Variants in KIAA1671 observed in about 807,000 individuals in gnomAD.
The protein encoded by KIAA1671 is uncharacterized protein KIAA1671.
A neutral mutation model predicts 131.2 loss-of-function variants in KIAA1671; 52 were observed. That is an observed-to-expected ratio of 0.40 (90% CI 0.32 to 0.50). The LOEUF is 0.50. Ranked by LOEUF, KIAA1671 falls within the 20% of genes least tolerant of loss-of-function variation. The pLI is 0.73. For synonymous variants in KIAA1671, 1,003 were observed against 961.6 expected (o/e 1.04, Z -0.80); for missense variants, 2,360 against 2,364.2 (o/e 1.00, Z 0.04).
At chr22:25,151,137 T>C (rs1282247730) in intron 6 of KIAA1671, among the ~76,000 whole-genome samples, 1 of 151,806 alleles carries the variant, frequency 6.6e-6, no homozygotes, top group Non-Finnish European at 1.5e-5. Context: ...CCCGGCCCCT[T>C]TGCTTATTTT....
At chr22:24,955,696 A>C (rs1921655587) in intron 1 of KIAA1671, among the ~76,000 whole-genome samples, 1 of 152,138 alleles carries the variant, frequency 6.6e-6, no homozygotes, top group Non-Finnish European at 1.5e-5. Flanking sequence ...GGGTCATGCC[A>C]GGAGGCTGGG....
intron 4 of KIAA1671, among the ~76,000 whole-genome samples, chr22:25,037,058 T>C (rs1926641256): frequency 6.6e-6 from 1 of 152,298 alleles, no homozygotes; most frequent in African/African-American, 2.4e-5. Flanking sequence ...TGCGGTGGCT[T>C]GTGTTTGTAA....
At chr22:25,004,861 G>T (rs1050150703) in intron 1 of KIAA1671, among the ~76,000 whole-genome samples, 1 of 151,634 alleles carries the variant, frequency 6.6e-6, no homozygotes, top group Non-Finnish European at 1.5e-5. Flanking sequence ...CAGGAGAATG[G>T]CGTAAACCCA....
intron 6 of KIAA1671, among the ~76,000 whole-genome samples, chr22:25,102,249 A>C (rs895233703): frequency 6.6e-6 from 1 of 152,202 alleles, no homozygotes; most frequent in Non-Finnish European, 1.5e-5. Flanking sequence ...CGCCTGCTGC[A>C]GATGGACTGT....
In KIAA1671 at chr22:25,179,555, G is replaced by C; in HGVS notation, c.5074+2033G>C. 8 of 1,569,336 alleles carry C rather than the reference G, an allele frequency of 5.1e-6. No homozygotes were observed. In the South Asian group the frequency reaches 9.2e-5, roughly 18 times the overall value. On this transcript the variant is annotated intron_variant, in intron 9 of 12. Coordinates refer to ENST00000358431, the MANE Select transcript of KIAA1671 (RefSeq NM_001145206.2). The stretch of plus-strand genomic sequence containing the variant: ...CTGCTTCAGCACCTGCGCCTCCTGC[G>C]TTGGGAAGGGAACGGAGCCGCTTCC...
chr22:25,176,414 A>T (rs1934029516), intron 8 of KIAA1671: 1 of 152,238 alleles, frequency 6.6e-6, no homozygotes, highest in Admixed American at 6.5e-5. Context: ...TTCATGTAAG[A>T]ACGTGAGCTT....
chr22:25,136,539 C>A (rs1199026432), intron 6 of KIAA1671, among the ~76,000 whole-genome samples: 1 of 152,186 alleles, frequency 6.6e-6, no homozygotes, highest in Non-Finnish European at 1.5e-5. Flanking sequence ...GATTTCTGGG[C>A]AGTACCCTGC....
At chr22:25,116,029 A>G (rs562445874) in intron 6 of KIAA1671, among the ~76,000 whole-genome samples, 1 of 151,388 alleles carries the variant, frequency 6.6e-6, no homozygotes, top group African/African-American at 2.4e-5. Flanking sequence ...ACCCGCTTCA[A>G]CCTCCTAAAG....
chr22:25,033,664 C>T (rs527848175), intron 4 of KIAA1671, among the ~76,000 whole-genome samples: 1,679 of 141,744 alleles, frequency 0.012, 17 homozygotes, highest in African/African-American at 0.024. Context: ...CTGCAAGCTC[C>T]GCCTCCCGGG....
intron 6 of KIAA1671, among the ~76,000 whole-genome samples, chr22:25,089,370 G>C (rs563495645): frequency 4.6e-5 from 7 of 151,104 alleles, no homozygotes; most frequent in African/African-American, 1.7e-4. Flanking sequence ...TGCCTCCCGG[G>C]TTCAAGCAAT....
At chr22:24,982,777 C>T (rs1030511285) in intron 1 of KIAA1671, among the ~76,000 whole-genome samples, 2 of 152,162 alleles carry the variant, frequency 1.3e-5, no homozygotes, top group East Asian at 3.9e-4. Flanking sequence ...AGGGCACAGG[C>T]CTGGAAGTTG....
At position 25,118,761 on chromosome 22, in the gene KIAA1671, C is replaced by T. The variant is rs1931798822; in HGVS notation, c.4531-52059C>T. ...TTTCCTGTGCGACCTGGCCCTGCCT[C>T]CCTGCTAACATCAGCTCCTACCTCT... On this transcript the variant is annotated intron_variant, in intron 6 of 12. Coordinates refer to ENST00000358431, the MANE Select transcript of KIAA1671 (RefSeq NM_001145206.2). Among the ~76,000 whole-genome samples, 3 of 152,124 alleles carry T rather than the reference C, an allele frequency of 2.0e-5. No homozygotes were observed. The South Asian group carries it at 6.2e-4, about 32-fold the overall frequency.
intron 6 of KIAA1671, among the ~76,000 whole-genome samples, chr22:25,134,099 C>T (rs1460997546): frequency 6.6e-6 from 1 of 152,202 alleles, no homozygotes; most frequent in Admixed American, 6.5e-5. Context: ...AGAGCTTTGC[C>T]GCAGAGTTGG....
At chr22:25,136,730 G>T (rs1932693006) in intron 6 of KIAA1671, among the ~76,000 whole-genome samples, 1 of 152,184 alleles carries the variant, frequency 6.6e-6, no homozygotes. Flanking sequence ...TGGAGCTTGG[G>T]GCAGAGCTAT....
At chr22:25,049,072 C>A in intron 5 of KIAA1671, 158 bp from the exon 6 acceptor site, 1 of 885,964 alleles carries the variant, frequency 1.1e-6, no homozygotes, top group Non-Finnish European at 1.7e-6. Context: ...GAGCTACCGC[C>A]CTACATGTTA....
intron 1 of KIAA1671, among the ~76,000 whole-genome samples, chr22:24,953,197 A>G (rs1921502636): frequency 6.6e-6 from 1 of 152,178 alleles, no homozygotes; most frequent in Non-Finnish European, 1.5e-5. Context: ...CGAGAGGATC[A>G]ATCTCCTCCC....
intron 6 of KIAA1671, among the ~76,000 whole-genome samples, chr22:25,170,291 G>A (rs1169274370): frequency 1.3e-5 from 2 of 152,134 alleles, no homozygotes. Context: ...TGGGATTGTC[G>A]AGGGACTGTA....
chr22:25,003,602 C>T (rs1176961286), intron 1 of KIAA1671, among the ~76,000 whole-genome samples: 1 of 151,372 alleles, frequency 6.6e-6, no homozygotes, highest in Non-Finnish European at 1.5e-5. Flanking sequence ...TTAGTAGAGA[C>T]GGGGTTTCAC....
chr22:25,152,314 T>C (rs1230367331), intron 6 of KIAA1671, among the ~76,000 whole-genome samples: 1 of 152,246 alleles, frequency 6.6e-6, no homozygotes, highest in East Asian at 1.9e-4. Context: ...GTTTTAAGGC[T>C]GTGCTGCACA....
Sources: allele counts gnomAD v4.1 joint callset (sites outside exome capture counted in the v4.1 genomes callset), GRCh38; gene constraint gnomAD v4.1.1; transcripts MANE v1.5; gene names NCBI Gene and HGNC (gene_info 2026-07-23, HGNC 2026-07-21).